Variants in RANBP3 observed in about 807,000 individuals in gnomAD.
The protein encoded by RANBP3 is RAN binding protein 3, also known as ran-binding protein 3.
A neutral mutation model predicts 77.3 loss-of-function variants in RANBP3; 14 were observed. The observed-to-expected ratio is 0.18, with a 90% CI of 0.12 to 0.28. The LOEUF is 0.28. Ranked by LOEUF, RANBP3 falls within the 10% of genes least tolerant of loss-of-function variation. The probability of loss-of-function intolerance (pLI) is 1.00; values close to 1 mark genes in which losing one functional copy is unlikely to be tolerated. For missense variants in RANBP3, 586 were observed against 752.3 expected, an observed-to-expected ratio of 0.78 and a Z score of 2.59; for synonymous variants, 315 against 312.4, an observed-to-expected ratio of 1.01 and a Z score of -0.09.
At chr19:5,941,931 C>T (rs899568633) in intron 3 of RANBP3, 96 bp from the exon 4 acceptor site, 145 of 1,408,980 alleles carry the variant, frequency 1.0e-4, no homozygotes, top group Non-Finnish European at 1.3e-4. Flanking sequence ...ACATGCACCA[C>T]GGGCAGCTAG....
chr19:5,939,352 T>C (rs1599749680), intron 5 of RANBP3, among the ~76,000 whole-genome samples: 1 of 152,146 alleles, frequency 6.6e-6, no homozygotes, highest in African/African-American at 2.4e-5. Context: ...TCACGCCAGA[T>C]CCCCAGACTA....
chr19:5,946,818 A>G (rs542301107), intron 3 of RANBP3, among the ~76,000 whole-genome samples: 5 of 152,226 alleles, frequency 3.3e-5, no homozygotes, highest in Non-Finnish European at 7.3e-5. Context: ...AGCCCTGCAC[A>G]CAGCCAATGC....
rs749355669 is a variant in RANBP3 at position 5,941,805 on chromosome 19, C to T, written c.313G>A (p.Gly105Arg). 1.1e-5 allele frequency: 17 copies of T among 1,612,184 alleles called. No homozygotes were observed. Among genetic ancestry groups the T allele is most frequent in the Non-Finnish European group, 1.4e-5 (16 of 1,180,004 alleles). The change falls in exon 4 of 17, where the codon GGA (glycine) becomes AGA (arginine). Residue 105 changes from glycine (G) to arginine (R), a missense_variant. Around this residue, in one of 5 missense-constraint regions of RANBP3, gnomAD observed 172 missense variants for 183.4 expected, o/e 0.94. Coordinates refer to ENST00000340578, the MANE Select transcript of RANBP3 (RefSeq NM_007322.3). ...GTGTTAGAGAGCTCCTTACCTTCTCCGCCTTCAGGACTGGAGCCGCCAGCT... is the reference window on the plus strand; with the variant it reads ...GTGTTAGAGAGCTCCTTACCTTCTCTGCCTTCAGGACTGGAGCCGCCAGCT... Reference protein sequence around the residue: ...RSAGGSSPEGGEDSDREDGNY... With the variant: ...RSAGGSSPEGREDSDREDGNY...
At chr19:5,961,701 C>T (rs1373968836) in intron 1 of RANBP3, among the ~76,000 whole-genome samples, 1 of 152,060 alleles carries the variant, frequency 6.6e-6, no homozygotes, top group Non-Finnish European at 1.5e-5. Context: ...CCATTGCACT[C>T]CAGCCTGGGC....
Position 5,959,852 on chromosome 19 carries a change from G to A in RANBP3, c.23-1879C>T, listed in dbSNP as rs2058378594. 6.6e-6 allele frequency among the ~76,000 whole-genome samples: 1 copy of A among 152,130 alleles called. No individual in the cohort carries two copies. Among genetic ancestry groups the A allele is most frequent in the African/African-American group, 2.4e-5 (1 of 41,426 alleles). On this transcript the variant is annotated intron_variant, in intron 1 of 16. Coordinates refer to ENST00000340578, the MANE Select transcript of RANBP3 (RefSeq NM_007322.3). The surrounding 1 kb of genome is among the most constrained non-coding windows in gnomAD (Gnocchi z 5.1). The stretch of plus-strand genomic sequence containing the variant: ...GCCAGGTGACAAGATGCACAGGAAG[G>A]AGCCAGGGTTTGAGCCAGCTTGGCA...
At chr19:5,925,099 G>A (rs927396397) in intron 10 of RANBP3, 194 bp from the exon 11 acceptor site, 4 of 599,646 alleles carry the variant, frequency 6.7e-6, no homozygotes, top group Non-Finnish European at 1.2e-5. Context: ...CCCTTAGCTC[G>A]CCCTGATGGA....
Position 5,924,778 on chromosome 19 carries a change from G to A in RANBP3, c.996+49C>T. On this transcript the variant is annotated intron_variant, in intron 11 of 16. Coordinates refer to ENST00000340578, the MANE Select transcript of RANBP3 (RefSeq NM_007322.3). This position sits in a 1 kb window ranked among gnomAD's most constrained non-coding sequence, Gnocchi z 4.7. Reference sequence around the variant, plus strand: ...TCCATGTCCCCTTGACCTGTGGCTGGCGCCGAGAGCCTCTGGTCCCTGAGA... The same window carrying A: ...TCCATGTCCCCTTGACCTGTGGCTGACGCCGAGAGCCTCTGGTCCCTGAGA... 6.4e-7 allele frequency: 1 copy of A among 1,556,700 alleles called. No individual in the cohort carries two copies. The highest frequency in any genetic ancestry group is 1.1e-5 in the South Asian group (1 of 89,862).
At chr19:5,935,851 G>A (rs887215988) in intron 5 of RANBP3, 4 of 456,018 alleles carry the variant, frequency 8.8e-6, no homozygotes, top group African/African-American at 2.0e-5. Context: ...TGCAACACAG[G>A]TCGCAACACA....
At chr19:5,932,844 A>G in intron 6 of RANBP3, 2 of 409,236 alleles carry the variant, frequency 4.9e-6, no homozygotes, top group Non-Finnish European at 8.8e-6. Flanking sequence ...GTGGGAGGAG[A>G]GCAGTGCATT....
At chr19:5,976,198 C>T (rs1377129572) in intron 1 of RANBP3, among the ~76,000 whole-genome samples, 1 of 152,122 alleles carries the variant, frequency 6.6e-6, no homozygotes, top group Admixed American at 6.5e-5. Flanking sequence ...GGGTGAAAGA[C>T]CATGGGATGG....
chr19:5,937,390 C>T (rs2058081131), intron 5 of RANBP3, among the ~76,000 whole-genome samples: 1 of 152,162 alleles, frequency 6.6e-6, no homozygotes, highest in Non-Finnish European at 1.5e-5. Flanking sequence ...ACATACTGGA[C>T]AGGCCCCAAC....
chr19:5,973,977 C>A (rs548584949), intron 1 of RANBP3, among the ~76,000 whole-genome samples: 43 of 152,264 alleles, frequency 2.8e-4, no homozygotes, highest in Non-Finnish European at 5.4e-4. Context: ...AAGCCTGTGT[C>A]CCCACCATCG....
chr19:5,932,633 T>C, intron 6 of RANBP3, 89 bp from the exon 7 acceptor site: 1 of 1,035,190 alleles, frequency 9.7e-7, no homozygotes. Context: ...TCCCATTTCA[T>C]GCCCCTTGCA....
rs1454121327 is a variant in RANBP3 at position 5,937,034 on chromosome 19, C to G, written c.407-3555G>C. ...TTGTGCCACTGCACTCCAGCCTGGG[C>G]AACAGAGCAAGACTCTGTCTCCAAA... On this transcript the variant is annotated intron_variant, in intron 5 of 16. Transcript: ENST00000340578. Among the ~76,000 whole-genome samples, 4 of 87,372 alleles carry G rather than the reference C, an allele frequency of 4.6e-5. No individual in the cohort carries two copies. The Middle Eastern group carries it at 0.044, about 971-fold the overall frequency. 57.3% of individuals were successfully genotyped at this position (87,372 alleles called of 152,430 possible).
In RANBP3 at chr19:5,937,056, C is replaced by CAAAAAAAAAAAAAAAAAAAAAAAAA. The variant is rs71172783; in HGVS notation, c.407-3602_407-3578dup. Among the ~76,000 whole-genome samples, 29 of 37,180 alleles carry CAAAAAAAAAAAAAAAAAAAAAAAAA rather than the reference C, an allele frequency of 7.8e-4. 2 individuals carry two copies. The highest frequency in any genetic ancestry group is 1.1e-3 in the African/African-American group (12 of 11,086). The allele number at this position is 37,180 out of a possible 152,430, so 24.4% of individuals were successfully genotyped here. On this transcript the variant is annotated intron_variant, in intron 5 of 16. Transcript: ENST00000340578. ...GGGCAACAGAGCAAGACTCTGTCTCCAAAAAAAAAAAAAAAAAAAAAAAAA... is the reference window on the plus strand; with the variant it reads ...GGGCAACAGAGCAAGACTCTGTCTCCAAAAAAAAAAAAAAAAAAAAAAAAAAAAAAAAAAAAAAAAAAAAAAAAAA...
chr19:5,970,999 C>T (rs945335010), intron 1 of RANBP3, among the ~76,000 whole-genome samples: 16 of 152,120 alleles, frequency 1.1e-4, no homozygotes, highest in Non-Finnish European at 2.1e-4. Context: ...GGCAAGGCAG[C>T]GGAGAAACCC....
chr19:5,919,129 G>A (rs2057784521), intron 14 of RANBP3, among the ~76,000 whole-genome samples: 1 of 152,244 alleles, frequency 6.6e-6, no homozygotes, highest in Admixed American at 6.5e-5. Context: ...GGCCAGCCCT[G>A]CCCTCTGGTT....
chr19:5,918,237 A>G (rs1041728496), intron 15 of RANBP3, among the ~76,000 whole-genome samples: 6 of 152,214 alleles, frequency 3.9e-5, no homozygotes, highest in Non-Finnish European at 7.4e-5. Context: ...ACCGCCCCAC[A>G]GGGCTGTTAG....
chr19:5,943,756 C>T (rs957508653), intron 3 of RANBP3, among the ~76,000 whole-genome samples: 2 of 152,192 alleles, frequency 1.3e-5, no homozygotes, highest in African/African-American at 4.8e-5. Context: ...TTATCACTAT[C>T]CCCACGAGAT....
Sources: allele counts gnomAD v4.1 joint callset (sites outside exome capture counted in the v4.1 genomes callset), GRCh38; gene constraint gnomAD v4.1.1; regional missense constraint gnomAD v4.1.1; non-coding constraint Gnocchi (gnomAD v3.1); transcripts MANE v1.5; gene names NCBI Gene and HGNC (gene_info 2026-07-23, HGNC 2026-07-21).